Variants in HEMK2 observed in about 807,000 individuals in gnomAD.
HEMK2 encodes the protein HemK methyltransferase 2, ETF1 glutamine and histone H4 lysine.
the HEMK2 span, among the ~76,000 whole-genome samples, chr21:28,637,800 T>C: frequency 6.6e-6 from 1 of 152,188 alleles, no homozygotes; most frequent in South Asian, 2.1e-4. Flanking sequence ...AGAATTTTAA[T>C]ATAAGCATGA....
At chr21:28,821,701 G>A in the HEMK2 span, among the ~76,000 whole-genome samples, 1 of 152,248 alleles carries the variant, frequency 6.6e-6, no homozygotes, top group East Asian at 1.9e-4. Flanking sequence ...AGAATTTCCA[G>A]TGCCCCTCCC....
chr21:28,773,304 G>T, the HEMK2 span, among the ~76,000 whole-genome samples: 1 of 152,054 alleles, frequency 6.6e-6, no homozygotes, highest in Non-Finnish European at 1.5e-5. Flanking sequence ...AGGATCTTCT[G>T]TATTTACTTC....
At chr21:28,825,262 A>G in the HEMK2 span, among the ~76,000 whole-genome samples, 1 of 152,182 alleles carries the variant, frequency 6.6e-6, no homozygotes, top group Non-Finnish European at 1.5e-5. Context: ...CCACCTCCAG[A>G]GTTCCTGATT....
At chr21:28,875,653 T>C in the HEMK2 span, 1 of 152,166 alleles carries the variant, frequency 6.6e-6, no homozygotes, top group Admixed American at 6.6e-5. Flanking sequence ...ATAATGAAAT[T>C]GGAAAATGTT....
the HEMK2 span, among the ~76,000 whole-genome samples, chr21:28,764,468 A>G: frequency 6.6e-6 from 1 of 152,160 alleles, no homozygotes; most frequent in Non-Finnish European, 1.5e-5. Flanking sequence ...CAAGGAATAT[A>G]GGAGACAGAA....
the HEMK2 span, among the ~76,000 whole-genome samples, chr21:28,627,834 T>C: frequency 6.6e-6 from 1 of 152,216 alleles, no homozygotes; most frequent in Non-Finnish European, 1.5e-5. Context: ...AAAGTACCAC[T>C]GATTGGTTGC....
chr21:28,811,758 A>G, the HEMK2 span, among the ~76,000 whole-genome samples: 8 of 152,222 alleles, frequency 5.3e-5, no homozygotes, highest in Non-Finnish European at 1.0e-4. Context: ...TCTTTGCTAC[A>G]TAATATGATG....
chr21:28,684,026 G>C, the HEMK2 span, among the ~76,000 whole-genome samples: 3 of 152,252 alleles, frequency 2.0e-5, no homozygotes, highest in South Asian at 2.1e-4. Flanking sequence ...ACCAACATAA[G>C]CATTCCCATC....
At chr21:28,638,967 T>A in the HEMK2 span, among the ~76,000 whole-genome samples, 16 of 152,306 alleles carry the variant, frequency 1.1e-4, no homozygotes, top group African/African-American at 3.8e-4. Flanking sequence ...CCAGTCTAGA[T>A]TCAAGAGAGG....
At chr21:28,621,419 T>C in the HEMK2 span, among the ~76,000 whole-genome samples, 1 of 152,202 alleles carries the variant, frequency 6.6e-6, no homozygotes, top group Non-Finnish European at 1.5e-5. Flanking sequence ...AATCTGGGTG[T>C]TCCTATATTG....
the HEMK2 span, among the ~76,000 whole-genome samples, chr21:28,688,901 T>C: frequency 2.6e-5 from 4 of 152,136 alleles, no homozygotes; most frequent in East Asian, 7.7e-4. Flanking sequence ...TGGTGATATG[T>C]GGGCCAAATC....
chr21:28,685,620 T>A, the HEMK2 span, among the ~76,000 whole-genome samples: 2 of 152,132 alleles, frequency 1.3e-5, no homozygotes, highest in African/African-American at 4.8e-5. Context: ...AAGGTTGAAA[T>A]GGTGTCAAGA....
chr21:28,867,366 A>G, the HEMK2 span, among the ~76,000 whole-genome samples: 13 of 152,212 alleles, frequency 8.5e-5, no homozygotes, highest in African/African-American at 2.9e-4. Flanking sequence ...AGACATTTAT[A>G]AAAATCTTTT....
At chr21:28,653,903 CTG>C in the HEMK2 span, among the ~76,000 whole-genome samples, 3 of 152,144 alleles carry the variant, frequency 2.0e-5, no homozygotes, top group Non-Finnish European at 4.4e-5. Flanking sequence ...AAAGAAAAAA[CTG>C]TAAACTATCT....
At chr21:28,676,574 T>C in the HEMK2 span, among the ~76,000 whole-genome samples, 5 of 151,974 alleles carry the variant, frequency 3.3e-5, no homozygotes, top group East Asian at 9.7e-4. Context: ...CGAGAGAAAC[T>C]CCAACTGGCC....
the HEMK2 span, among the ~76,000 whole-genome samples, chr21:28,877,080 G>A: frequency 1.7e-5 from 2 of 114,796 alleles, no homozygotes; most frequent in African/African-American, 3.5e-5. Context: ...GGGAAGGGAA[G>A]GGAAGGGAGG....
the HEMK2 span, among the ~76,000 whole-genome samples, chr21:28,834,968 C>A: frequency 6.6e-6 from 1 of 152,088 alleles, no homozygotes; most frequent in African/African-American, 2.4e-5. Flanking sequence ...TCACCCCCAT[C>A]CCCCACAGTA....
chr21:28,734,383 A>AGGG, the HEMK2 span, among the ~76,000 whole-genome samples: 1 of 152,216 alleles, frequency 6.6e-6, no homozygotes, highest in Non-Finnish European at 1.5e-5. Flanking sequence ...TCTGCTTTCA[A>AGGG]CTATAATCAG....
the HEMK2 span, among the ~76,000 whole-genome samples, chr21:28,877,004 G>GAA: frequency 3.2e-5 from 2 of 63,408 alleles, no homozygotes; most frequent in South Asian, 7.5e-4. Context: ...AGGGAGGGAG[G>GAA]GAGGAAGGAA....
Sources: gnomAD v4.1 joint callset for allele counts (sites outside exome capture counted in the v4.1 genomes callset) on GRCh38, gnomAD v4.1.1 for gene constraint, MANE v1.5 for transcripts, NCBI Gene and HGNC (gene_info 2026-07-23, HGNC 2026-07-21) for gene names.